Variants in LIMCH1 observed in about 807,000 individuals in gnomAD.
LIMCH1 encodes LIM and calponin homology domains 1, also known as LIM and calponin homology domains-containing protein 1.
A neutral mutation model predicts 176.5 loss-of-function variants in LIMCH1; 113 were observed. The ratio of observed to expected loss-of-function variants is 0.64; its 90% CI spans 0.55 to 0.75. LIMCH1 has a LOEUF of 0.75. Among genes scored for constraint, LIMCH1 ranks in the 30% least tolerant of loss-of-function variants. The pLI is 0.00. For missense variants in LIMCH1, 1,674 were observed against 1,814.9 expected, an observed-to-expected ratio of 0.92 and a Z score of 1.41; for synonymous variants, 619 against 645.9, an observed-to-expected ratio of 0.96 and a Z score of 0.63.
At chr4:41,532,500 G>A (rs576982842) in intron 3 of LIMCH1, among the ~76,000 whole-genome samples, 4 of 152,244 alleles carry the variant, frequency 2.6e-5, no homozygotes, top group East Asian at 3.9e-4. Context: ...CATCACACTC[G>A]GAAACCAGGG....
chr4:41,612,726 G>C lies in LIMCH1; in HGVS notation c.10-740G>C, dbSNP rs1386250746. Reference sequence around the variant, plus strand: ...AGACAGCCATTGTTCTCCCTGCTCTGAACATGTGGGTCAGCCACAAGTGCT... The same window carrying C: ...AGACAGCCATTGTTCTCCCTGCTCTCAACATGTGGGTCAGCCACAAGTGCT... On this transcript the variant is annotated intron_variant, in intron 4 of 31. Coordinates refer to ENST00000503057, the MANE Select transcript of LIMCH1 (RefSeq NM_001330672.2). 7 of 682,998 alleles carry C rather than the reference G, an allele frequency of 1.0e-5. No homozygotes were observed. The Admixed American group carries it at 1.5e-4, about 15-fold the overall frequency. 42.3% of individuals were successfully genotyped at this position (682,998 alleles called of 1,614,324 possible).
chr4:41,547,293 T>A (rs777742212), intron 1 of LIMCH1, among the ~76,000 whole-genome samples: 83 of 152,186 alleles, frequency 5.5e-4, no homozygotes, highest in Non-Finnish European at 9.6e-4. Flanking sequence ...TTGACTAACA[T>A]GTCACCTTTC....
intron 1 of LIMCH1, among the ~76,000 whole-genome samples, chr4:41,548,377 A>G (rs577449318): frequency 1.3e-5 from 2 of 152,264 alleles, no homozygotes; most frequent in African/African-American, 4.8e-5. Flanking sequence ...AACTCATTTT[A>G]AGAAATACCT....
intron 1 of LIMCH1, among the ~76,000 whole-genome samples, chr4:41,538,719 C>T (rs1245542965): frequency 6.6e-6 from 1 of 152,112 alleles, no homozygotes; most frequent in Middle Eastern, 3.2e-3. Context: ...TCCAGCAGCA[C>T]ATGGTGTTGT....
chr4:41,649,439 A>C (rs2094200230), intron 17 of LIMCH1, among the ~76,000 whole-genome samples: 1 of 152,122 alleles, frequency 6.6e-6, no homozygotes, highest in African/African-American at 2.4e-5. Flanking sequence ...CCTAATGATA[A>C]TAATGGCTAA....
rs746835312 is a variant in LIMCH1 at position 41,644,523 on chromosome 4, G to T, written c.2150G>T (p.Arg717Leu). The T allele has an allele frequency of 3.8e-6, 6 of 1,585,528 alleles. No homozygotes were observed. The highest frequency in any genetic ancestry group is 4.3e-6 in the Non-Finnish European group (5 of 1,166,514). Residue 717 changes from arginine (R) to leucine (L), a missense_variant, in exon 15 of 32, where the codon CGG becomes CTG. Arg to Leu is a moderately radical substitution (Grantham distance 102). Coordinates refer to ENST00000503057, the MANE Select transcript of LIMCH1 (RefSeq NM_001330672.2). ...DAESTSMFDMRCEEEAAVQPH... is the reference protein window; with the variant it reads ...DAESTSMFDMLCEEEAAVQPH... ...AGGAGCACCAGCATGTTTGACATGC[G>T]GTGTGAGGAGGAGGCCGCGGTGCAG...
intron 2 of LIMCH1, among the ~76,000 whole-genome samples, chr4:41,514,151 A>T (rs2075310850): frequency 6.6e-6 from 1 of 151,516 alleles, no homozygotes; most frequent in South Asian, 2.1e-4. Flanking sequence ...AATGTTGCTC[A>T]TTTCATTAAC....
intron 1 of LIMCH1, among the ~76,000 whole-genome samples, chr4:41,592,862 T>G (rs1168751987): frequency 6.6e-6 from 1 of 152,242 alleles, no homozygotes; most frequent in Non-Finnish European, 1.5e-5. Context: ...TACTTCTATT[T>G]TCTAATTTGA....
chr4:41,373,324 G>T lies in LIMCH1; in HGVS notation c.96+12388G>T, dbSNP rs542567886. Among the ~76,000 whole-genome samples the T allele has an allele frequency of 6.3e-4, 96 of 152,322 alleles. 1 individual carries two copies. Among genetic ancestry groups the T allele is most frequent in the African/African-American group, 2.1e-3 (87 of 41,574 alleles). ...GGAAGAGCTGAAGAAGACCAGTAAGGCAGGAGCTTTGGGAGTAGGTATGAG... is the reference window on the plus strand; with the variant it reads ...GGAAGAGCTGAAGAAGACCAGTAAGTCAGGAGCTTTGGGAGTAGGTATGAG... On this transcript the variant is annotated intron_variant, in intron 1 of 26. Coordinates refer to the LIMCH1 transcript ENST00000313860.
intron 23 of LIMCH1, among the ~76,000 whole-genome samples, chr4:41,677,977 G>T (rs1432663386): frequency 6.6e-6 from 1 of 152,036 alleles, no homozygotes; most frequent in African/African-American, 2.4e-5. Flanking sequence ...GGATACATGT[G>T]CAGAACGGGC....
At chr4:41,485,049 C>CACAG (rs2069269585) in intron 1 of LIMCH1, among the ~76,000 whole-genome samples, 1 of 152,168 alleles carries the variant, frequency 6.6e-6, no homozygotes, top group Non-Finnish European at 1.5e-5. Flanking sequence ...GTGGAGCATA[C>CACAG]TCATATACAG....
chr4:41,377,979 A>T (rs1343564746), intron 1 of LIMCH1, among the ~76,000 whole-genome samples: 1 of 152,228 alleles, frequency 6.6e-6, no homozygotes, highest in Non-Finnish European at 1.5e-5. Flanking sequence ...CAAGTTTTCA[A>T]CACATGAATT....
At chr4:41,595,089 T>TAAA (rs2152734240) in intron 1 of LIMCH1, among the ~76,000 whole-genome samples, 1 of 152,340 alleles carries the variant, frequency 6.6e-6, no homozygotes, top group Admixed American at 6.5e-5. Context: ...TTATTTACTG[T>TAAA]TCCTGAATGG....
intron 1 of LIMCH1, among the ~76,000 whole-genome samples, chr4:41,371,443 A>G (rs536622558): frequency 3.0e-4 from 46 of 152,156 alleles, no homozygotes; most frequent in East Asian, 1.9e-4. Flanking sequence ...CTTCACGTCT[A>G]TTTCCCCAGT....
intron 3 of LIMCH1, among the ~76,000 whole-genome samples, chr4:41,526,408 A>G (rs1280592861): frequency 1.3e-5 from 2 of 151,078 alleles, no homozygotes; most frequent in African/African-American, 4.9e-5. Flanking sequence ...TTCACTAGTG[A>G]CTCCTGAATC....
chr4:41,436,272 G>A (rs962060076), intron 1 of LIMCH1, among the ~76,000 whole-genome samples: 6 of 152,078 alleles, frequency 3.9e-5, no homozygotes, highest in East Asian at 1.9e-4. Context: ...GCACTTCTCC[G>A]CCTGTGTAGA....
chr4:41,372,439 A>G (rs900899032), intron 1 of LIMCH1, among the ~76,000 whole-genome samples: 2 of 152,156 alleles, frequency 1.3e-5, no homozygotes, highest in African/African-American at 2.4e-5. Flanking sequence ...CATTATTCAT[A>G]CATTTACAGG....
In LIMCH1 at chr4:41,592,897, G is replaced by T. The variant is rs141057223; in HGVS notation, c.-240-6023G>T. ...ATGTCAGAACTCTGTTTATGTGTAT[G>T]TTGAACAATTCCAGTTATTTGATGG... On this transcript the variant is annotated intron_variant, in intron 1 of 31. Coordinates refer to ENST00000503057, the MANE Select transcript of LIMCH1 (RefSeq NM_001330672.2). Among the ~76,000 whole-genome samples the T allele has an allele frequency of 9.0e-4, 137 of 152,342 alleles. No homozygotes were observed. In the East Asian group the frequency reaches 0.019, roughly 21 times the overall value.
chr4:41,539,855 G>T (rs977817870), intron 1 of LIMCH1, among the ~76,000 whole-genome samples: 2 of 152,236 alleles, frequency 1.3e-5, no homozygotes, highest in African/African-American at 4.8e-5. Context: ...AATTAGGAAA[G>T]CAACAGGAAT....
Sources: allele counts gnomAD v4.1 joint callset (sites outside exome capture counted in the v4.1 genomes callset), GRCh38; gene constraint gnomAD v4.1.1; transcripts MANE v1.5; gene names NCBI Gene and HGNC (gene_info 2026-07-23, HGNC 2026-07-21).